ANKS1B: variants seen among roughly 807,000 people sequenced by gnomAD.
The protein encoded by ANKS1B is ankyrin repeat and sterile alpha motif domain-containing protein 1B.
ANKS1B carries 36 observed loss-of-function variants against 148.3 expected under a neutral mutation model. That is an observed-to-expected ratio of 0.24 (90% CI 0.19 to 0.32). The LOEUF (loss-of-function observed/expected upper bound fraction) is 0.32. Ranked by LOEUF, ANKS1B falls within the 10% of genes least tolerant of loss-of-function variation. The pLI is 1.00. For missense variants in ANKS1B, 1,157 were observed against 1,542.6 expected (o/e 0.75, Z 4.19); for synonymous variants, 542 against 560.8 (o/e 0.97, Z 0.47).
At chr12:99,455,207 C>T (rs1006711543) in intron 10 of ANKS1B, among the ~76,000 whole-genome samples, 1 of 152,154 alleles carries the variant, frequency 6.6e-6, no homozygotes, top group African/African-American at 2.4e-5. Context: ...CCAAGACACA[C>T]CCTAGCACTA....
chr12:99,192,131 C>CAAAAA (rs35767286), intron 14 of ANKS1B, among the ~76,000 whole-genome samples: 4 of 57,786 alleles, frequency 6.9e-5, no homozygotes, highest in Admixed American at 2.9e-4. Flanking sequence ...GACTCCATCT[C>CAAAAA]AAAAAAAAAA....
chr12:99,061,911 C>T (rs2042579679), intron 16 of ANKS1B, among the ~76,000 whole-genome samples: 1 of 152,092 alleles, frequency 6.6e-6, no homozygotes, highest in Non-Finnish European at 1.5e-5. Flanking sequence ...TTTGTAACAA[C>T]TATGCAAGGG....
At chr12:99,538,891 T>C (rs1285377998) in intron 9 of ANKS1B, among the ~76,000 whole-genome samples, 2 of 152,222 alleles carry the variant, frequency 1.3e-5, no homozygotes, top group African/African-American at 4.8e-5. Flanking sequence ...TATATGGCTT[T>C]AATTATGTTG....
chr12:99,437,541 C>A (rs558363887), intron 11 of ANKS1B, among the ~76,000 whole-genome samples: 66 of 151,952 alleles, frequency 4.3e-4, no homozygotes, highest in African/African-American at 1.5e-3. Context: ...CAAGAGCCCC[C>A]TTCTATTTTA....
chr12:99,495,861 C>CAA (rs1263447882), intron 10 of ANKS1B, among the ~76,000 whole-genome samples: 16 of 152,156 alleles, frequency 1.1e-4, no homozygotes, highest in Non-Finnish European at 2.9e-5. Context: ...TTTCACCATT[C>CAA]AAAAAATATT....
In ANKS1B at chr12:99,440,736, T is replaced by C. The variant is rs189717152; in HGVS notation, c.1575+2937A>G. ...AAGCAGAAACACATGCAATGTGTTA[T>C]CAGCCCTATCTCATATTGAAAGCAA... is the stretch of plus-strand genomic sequence containing the variant. On this transcript the variant is annotated intron_variant, in intron 11 of 26. Coordinates refer to ENST00000683438, the MANE Select transcript of ANKS1B (RefSeq NM_001352186.2). Among the ~76,000 whole-genome samples the C allele has an allele frequency of 7.2e-5, 11 of 151,948 alleles. No homozygotes were observed. In the East Asian group the frequency reaches 1.6e-3, roughly 21 times the overall value.
chr12:99,507,276 T>C (rs1486801789), intron 9 of ANKS1B, among the ~76,000 whole-genome samples: 2 of 152,026 alleles, frequency 1.3e-5, no homozygotes, highest in East Asian at 1.9e-4. Flanking sequence ...AAACAACCCA[T>C]GGATTTAGTT....
chr12:99,791,204 G>T (rs1294724709), intron 4 of ANKS1B, among the ~76,000 whole-genome samples: 1 of 151,764 alleles, frequency 6.6e-6, no homozygotes, highest in Non-Finnish European at 1.5e-5. Context: ...ATGACAAAGG[G>T]GTCAATTCAG....
At chr12:99,659,783 T>A (rs1223110991) in intron 8 of ANKS1B, among the ~76,000 whole-genome samples, 1 of 152,084 alleles carries the variant, frequency 6.6e-6, no homozygotes, top group Admixed American at 6.6e-5. Context: ...ATTTTACAAG[T>A]GAAAAAAACT....
At chr12:98,918,996 A>G (rs2099797913) in intron 17 of ANKS1B, among the ~76,000 whole-genome samples, 1 of 152,156 alleles carries the variant, frequency 6.6e-6, no homozygotes, top group Non-Finnish European at 1.5e-5. Context: ...ACCCATAATT[A>G]GTTGTTTTCC....
intron 1 of ANKS1B, among the ~76,000 whole-genome samples, chr12:99,964,388 C>CT (rs1206826484): frequency 6.6e-6 from 1 of 152,224 alleles, no homozygotes; most frequent in Non-Finnish European, 1.5e-5. Context: ...CTCTTCCACT[C>CT]CCTATTCCTC....
At chr12:99,209,313 C>G (rs897342894) in intron 14 of ANKS1B, among the ~76,000 whole-genome samples, 1 of 152,196 alleles carries the variant, frequency 6.6e-6, no homozygotes, top group Non-Finnish European at 1.5e-5. Flanking sequence ...ACAAATTAGT[C>G]TCACTCCATT....
chr12:99,109,663 G>C (rs1423770038), intron 15 of ANKS1B, among the ~76,000 whole-genome samples: 1 of 152,118 alleles, frequency 6.6e-6, no homozygotes, highest in Non-Finnish European at 1.5e-5. Flanking sequence ...CTTTAAAAAG[G>C]AAAAGCTGAG....
chr12:99,514,110 T>C (rs1319510100), intron 9 of ANKS1B, among the ~76,000 whole-genome samples: 1 of 152,062 alleles, frequency 6.6e-6, no homozygotes, highest in Admixed American at 6.6e-5. Flanking sequence ...AGTAATAAGT[T>C]TAAACGTAAT....
intron 12 of ANKS1B, among the ~76,000 whole-genome samples, chr12:99,347,758 T>C (rs1171346318): frequency 4.6e-5 from 7 of 151,808 alleles, no homozygotes; most frequent in African/African-American, 1.7e-4. Flanking sequence ...CCAGTTACTA[T>C]AATATTTAAA....
intron 10 of ANKS1B, among the ~76,000 whole-genome samples, chr12:99,455,236 CCTA>C (rs2095826864): frequency 1.3e-5 from 2 of 152,124 alleles, no homozygotes; most frequent in African/African-American, 4.8e-5. Context: ...GGCCAGAACC[CCTA>C]CTAAGTAGCC....
At chr12:99,763,881 G>A (rs2062400042) in intron 8 of ANKS1B, among the ~76,000 whole-genome samples, 1 of 152,148 alleles carries the variant, frequency 6.6e-6, no homozygotes. Flanking sequence ...ATCAGTGAGA[G>A]TGATGTACTA....
intron 17 of ANKS1B, among the ~76,000 whole-genome samples, chr12:98,969,900 G>T (rs2099881743): frequency 6.6e-6 from 1 of 152,202 alleles, no homozygotes; most frequent in Non-Finnish European, 1.5e-5. Flanking sequence ...ATTTGTGAAA[G>T]ATGAGATTTT....
rs1487998286 is a variant in ANKS1B, at chr12:99,437,119, T to C, written c.1575+6554A>G. Among the ~76,000 whole-genome samples the C allele has an allele frequency of 2.6e-5, 4 of 152,002 alleles. No homozygotes were observed. The East Asian group carries it at 7.7e-4, about 29-fold the overall frequency. On this transcript the variant is annotated intron_variant, in intron 11 of 26. Coordinates refer to ENST00000683438, the MANE Select transcript of ANKS1B (RefSeq NM_001352186.2). ...TCTCCCAGTTCTGGAGGTTGAGAAGTCCAAGATCAGGTTTCCACCTTGGTT... is the reference window on the plus strand; with the variant it reads ...TCTCCCAGTTCTGGAGGTTGAGAAGCCCAAGATCAGGTTTCCACCTTGGTT...
Sources: gnomAD v4.1 joint callset for allele counts (sites outside exome capture counted in the v4.1 genomes callset) on GRCh38, gnomAD v4.1.1 for gene constraint, MANE v1.5 for transcripts, NCBI Gene and HGNC (gene_info 2026-07-23, HGNC 2026-07-21) for gene names.